FAM135B: variants seen among roughly 807,000 people sequenced by gnomAD.
FAM135B encodes protein FAM135B.
Under a neutral mutation model 127.7 loss-of-function variants are expected in FAM135B, and 43 were observed. The ratio of observed to expected loss-of-function variants is 0.34; its 90% CI spans 0.26 to 0.43. FAM135B has a LOEUF of 0.43. FAM135B is among the 20% of genes least tolerant of loss of function. The pLI, the probability that FAM135B is intolerant of heterozygous loss-of-function variation, is 1.00. For missense variants in FAM135B, 1,558 were observed against 1,725.6 expected (o/e 0.90, Z 1.72); for synonymous variants, 670 against 665.1 (o/e 1.01, Z -0.11).
intron 8 of FAM135B, 30 bp from the exon 9 acceptor site, chr8:138,195,337 A>T (rs189394496): frequency 6.8e-5 from 110 of 1,606,066 alleles, no homozygotes; most frequent in Non-Finnish European, 9.2e-5. Context: ...TGTGTGATTA[A>T]ATGAACCCAC....
intron 4 of FAM135B, among the ~76,000 whole-genome samples, chr8:138,264,035 C>T (rs1381316814): frequency 4.6e-5 from 7 of 152,196 alleles, no homozygotes; most frequent in African/African-American, 1.7e-4. Context: ...GCTGGGCCTC[C>T]CTGCTCCATC....
At chr8:138,228,150 A>G (rs1044891599) in intron 7 of FAM135B, among the ~76,000 whole-genome samples, 3 of 152,166 alleles carry the variant, frequency 2.0e-5, no homozygotes, top group African/African-American at 7.2e-5. Flanking sequence ...TAGGGTGACT[A>G]GGACTAAATT....
In FAM135B at chr8:138,170,599, T is replaced by C. The variant is rs141930873; in HGVS notation, c.1104-2550A>G. Among the ~76,000 whole-genome samples the C allele has an allele frequency of 6.7e-3, 1,025 of 152,330 alleles. 9 individuals carry two copies. The highest frequency in any genetic ancestry group is 0.023 in the African/African-American group (941 of 41,582). ...AAGTTGACAAGGGGTGGATTTGTGATGGTTGATTTTGGATGTCACCATGAT... is the reference window on the plus strand; with the variant it reads ...AAGTTGACAAGGGGTGGATTTGTGACGGTTGATTTTGGATGTCACCATGAT... On this transcript the variant is annotated intron_variant, in intron 11 of 19. Transcript: ENST00000395297.
chr8:138,237,683 T>C (rs1208797605), intron 7 of FAM135B, among the ~76,000 whole-genome samples: 1 of 152,178 alleles, frequency 6.6e-6, no homozygotes, highest in African/African-American at 2.4e-5. Context: ...GTTCAGTCAG[T>C]TGAAGACCTT....
chr8:138,309,166 C>T, intron 3 of FAM135B: 1 of 314,302 alleles, frequency 3.2e-6, no homozygotes, highest in South Asian at 2.7e-5. Flanking sequence ...CACATATGGA[C>T]ACTGGTTCAC....
At chr8:138,372,845 C>G (rs781670497) in intron 1 of FAM135B, among the ~76,000 whole-genome samples, 1 of 152,134 alleles carries the variant, frequency 6.6e-6, no homozygotes, top group Non-Finnish European at 1.5e-5. Flanking sequence ...GTGCTGGGAG[C>G]TTTCTAGCCA....
At chr8:138,331,632 G>C (rs1440968146) in intron 2 of FAM135B, among the ~76,000 whole-genome samples, 1 of 148,262 alleles carries the variant, frequency 6.7e-6, no homozygotes, top group Non-Finnish European at 1.5e-5. Context: ...TCAACTCTTA[G>C]CAACCTCACC....
intron 7 of FAM135B, among the ~76,000 whole-genome samples, chr8:138,221,383 A>C (rs1485180427): frequency 6.6e-6 from 1 of 152,156 alleles, no homozygotes; most frequent in African/African-American, 2.4e-5. Context: ...GATGGTGCCA[A>C]ATCATTCATG....
In FAM135B at chr8:138,168,040, C is replaced by T. The variant is rs745439659; in HGVS notation, c.1113G>A (p.Thr371=). Reference sequence around the variant, plus strand: ...GGATATCCAGGGACAGCTGGCTGTGCGTCTGTATCCTGGGGAGCACATGGC... The same window carrying T: ...GGATATCCAGGGACAGCTGGCTGTGTGTCTGTATCCTGGGGAGCACATGGC... ...VLTFQENLIQ[T]HSQLSLDIRN... The change falls in exon 12 of 20, where the codon ACG becomes ACA. Residue 371 remains threonine (T), a synonymous_variant. Transcript: ENST00000395297. 11 of 1,612,708 alleles carry T rather than the reference C, an allele frequency of 6.8e-6. No homozygotes were observed. The highest frequency in any genetic ancestry group is 6.7e-5 in the Admixed American group (4 of 59,874).
intron 9 of FAM135B, among the ~76,000 whole-genome samples, chr8:138,194,691 C>T (rs1184236430): frequency 1.3e-5 from 2 of 152,174 alleles, no homozygotes; most frequent in African/African-American, 4.8e-5. Context: ...TTTGCCTCTT[C>T]TTCATAGAGA....
intron 1 of FAM135B, among the ~76,000 whole-genome samples, chr8:138,451,472 C>T (rs567772911): frequency 5.1e-4 from 78 of 152,318 alleles, no homozygotes; most frequent in African/African-American, 1.8e-3. Context: ...ACAACAGTAG[C>T]TATACATGCT....
chr8:138,442,210 A>G (rs1339432271), intron 1 of FAM135B, among the ~76,000 whole-genome samples: 1 of 129,592 alleles, frequency 7.7e-6, no homozygotes, highest in East Asian at 2.4e-4. Context: ...TGGAAATAAA[A>G]AAATTTAACG....
At chr8:138,220,802 CAACT>C (rs1818972080) in intron 7 of FAM135B, among the ~76,000 whole-genome samples, 3 of 152,198 alleles carry the variant, frequency 2.0e-5, no homozygotes, top group South Asian at 4.2e-4. Flanking sequence ...AATAGAACAA[CAACT>C]AACTGCACAT....
At chr8:138,262,766 G>T (rs1822630885) in intron 4 of FAM135B, among the ~76,000 whole-genome samples, 1 of 151,844 alleles carries the variant, frequency 6.6e-6, no homozygotes, top group South Asian at 2.1e-4. Flanking sequence ...GCCGGGCATG[G>T]TGGCGGGCCA....
At chr8:138,466,079 C>T (rs1449081104) in intron 1 of FAM135B, among the ~76,000 whole-genome samples, 1 of 152,140 alleles carries the variant, frequency 6.6e-6, no homozygotes, top group Admixed American at 6.5e-5. Context: ...CCTGGTCTCA[C>T]CTGATCTTTT....
At chr8:138,327,348 A>T (rs2130974918) in intron 2 of FAM135B, among the ~76,000 whole-genome samples, 1 of 152,328 alleles carries the variant, frequency 6.6e-6, no homozygotes, top group South Asian at 2.1e-4. Flanking sequence ...AGGAACCTGA[A>T]GTTCGGAACA....
At chr8:138,180,317 G>A (rs1317327062) in intron 9 of FAM135B, among the ~76,000 whole-genome samples, 2 of 152,160 alleles carry the variant, frequency 1.3e-5, no homozygotes, top group East Asian at 3.9e-4. Flanking sequence ...AGGGAGCTTT[G>A]TTCAATGGTG....
chr8:138,210,551 T>C (rs1382121096), intron 7 of FAM135B, among the ~76,000 whole-genome samples: 1 of 152,136 alleles, frequency 6.6e-6, no homozygotes, highest in Admixed American at 6.5e-5. Context: ...AAGCACTTTC[T>C]TCACATCGTG....
intron 1 of FAM135B, among the ~76,000 whole-genome samples, chr8:138,491,148 A>G (rs1484010685): frequency 1.3e-5 from 2 of 150,572 alleles, no homozygotes; most frequent in Non-Finnish European, 2.9e-5. Flanking sequence ...CTCTCAAAAA[A>G]AAAAAAAAAA....
Sources: gnomAD v4.1 joint callset for allele counts (sites outside exome capture counted in the v4.1 genomes callset) on GRCh38, gnomAD v4.1.1 for gene constraint, MANE v1.5 for transcripts, NCBI Gene and HGNC (gene_info 2026-07-23, HGNC 2026-07-21) for gene names.